Variants in TIAL1 observed in about 807,000 individuals in gnomAD.
TIAL1 encodes TIA1 cytotoxic granule associated RNA binding protein like 1.
TIAL1 carries 7 observed loss-of-function variants against 59.7 expected under a neutral mutation model. That is an observed-to-expected ratio of 0.12 (90% confidence interval 0.07 to 0.22). The LOEUF (loss-of-function observed/expected upper bound fraction) is 0.22, where lower values mean the gene tolerates loss of function less well. Among genes scored for constraint, TIAL1 ranks in the 10% least tolerant of loss-of-function variants. The pLI is 1.00. For missense variants in TIAL1, 225 were observed against 462.5 expected (o/e 0.49, Z 4.71); for synonymous variants, 149 against 146.3 (o/e 1.02, Z -0.13).
chr10:119,592,255 C>T (rs531903157), intron 1 of TIAL1: 10 of 152,210 alleles, frequency 6.6e-5, no homozygotes, highest in Admixed American at 3.9e-4. Context: ...AGAGGCATAC[C>T]TTAGAGTCTA....
chr10:119,579,891 T>G, intron 6 of TIAL1, 44 bp downstream of exon 6: 1 of 1,481,992 alleles, frequency 6.7e-7, no homozygotes, highest in South Asian at 1.3e-5. Flanking sequence ...AACTAATGAC[T>G]AAATTTAGTA....
chr10:119,596,514 G>C lies in TIAL1; in HGVS notation c.-49C>G. On this transcript the variant is annotated 5_prime_UTR_variant, in exon 1 of 12. Coordinates refer to ENST00000436547, the MANE Select transcript of TIAL1 (RefSeq NM_003252.4). ...GGGACAAGGGGGAGGGCAGGGTTGG[G>C]GAGGGGAGGGGGTGGGGAGGAAGGG... 1.1e-6 allele frequency: 1 copy of C among 884,422 alleles called. No individual in the cohort carries two copies. The highest frequency in any genetic ancestry group is 2.7e-5 in the East Asian group (1 of 37,316). 54.8% of individuals were successfully genotyped at this position (884,422 alleles called of 1,614,324 possible).
chr10:119,585,122 C>CAAAAAAAAAAAAAAAAAAAAAAAATAAAA (rs1845499612), intron 2 of TIAL1, among the ~76,000 whole-genome samples: 1 of 46,522 alleles, frequency 2.1e-5, no homozygotes, highest in Non-Finnish European at 4.1e-5. Flanking sequence ...GATTCCATCT[C>CAAAAAAAAAAAAAAAAAAAAAAAATAAAA]AAAAAAAAAA....
chr10:119,592,634 T>C (rs1004028271), intron 1 of TIAL1, among the ~76,000 whole-genome samples: 13 of 152,222 alleles, frequency 8.5e-5, no homozygotes, highest in African/African-American at 2.4e-4. Context: ...TTTGCAATAA[T>C]ATCCTTCAAT....
In TIAL1 at chr10:119,577,631, A is replaced by C. The variant is rs759997021; in HGVS notation, c.652+10T>G. On this transcript the variant is annotated intron_variant, in intron 8 of 11. Transcript: ENST00000436547. The stretch of plus-strand genomic sequence containing the variant: ...CTCCTCAGAGGTGATTAGAAAACCA[A>C]ACATTGTACCTGTTAACCCAGACGC... 1 of 1,613,520 alleles carries C rather than the reference A, an allele frequency of 6.2e-7. No individual in the cohort carries two copies. Among genetic ancestry groups the C allele is most frequent in the Non-Finnish European group, 8.5e-7 (1 of 1,179,438 alleles).
intron 11 of TIAL1, among the ~76,000 whole-genome samples, chr10:119,576,262 C>T (rs1013610188): frequency 6.8e-6 from 1 of 147,950 alleles, no homozygotes; most frequent in African/African-American, 2.5e-5. Flanking sequence ...ATTTCTCACA[C>T]ATACCACATA....
chr10:119,592,767 A>T (rs967298130), intron 1 of TIAL1, among the ~76,000 whole-genome samples: 47 of 149,680 alleles, frequency 3.1e-4, no homozygotes, highest in Non-Finnish European at 5.8e-4. Flanking sequence ...ATATTCTCAC[A>T]CACACACACA....
At chr10:119,595,896 G>A (rs1253541092) in intron 1 of TIAL1, among the ~76,000 whole-genome samples, 1 of 152,196 alleles carries the variant, frequency 6.6e-6, no homozygotes, top group East Asian at 1.9e-4. Context: ...GGCATAAAGA[G>A]AGAAGGGGCT....
At chr10:119,584,650 G>C (rs1275822211) in intron 2 of TIAL1, among the ~76,000 whole-genome samples, 1 of 152,020 alleles carries the variant, frequency 6.6e-6, no homozygotes, top group Admixed American at 6.6e-5. Context: ...AACATGGTGA[G>C]ACCCCCATCT....
At chr10:119,577,847 T>G in intron 7 of TIAL1, 111 bp from the exon 8 acceptor site, 1 of 915,794 alleles carries the variant, frequency 1.1e-6, no homozygotes. Flanking sequence ...CCCAGCACTT[T>G]GGGAGGCTGA....
rs1197873232 is a variant in TIAL1 at position 119,581,597 on chromosome 10, A to G, written c.371+325T>C. The G allele has an allele frequency of 2.0e-5, 4 of 202,718 alleles. No individual in the cohort carries two copies. The East Asian group carries it at 4.7e-4, about 24-fold the overall frequency. The allele number at this position is 202,718 out of a possible 1,614,324, so 12.6% of individuals were successfully genotyped here. ...ATTAACTCATTATCCTAAACCATCA[A>G]ATTTTGAAAACATATGACAAAAAGC... is the stretch of plus-strand genomic sequence containing the variant. On this transcript the variant is annotated intron_variant, in intron 5 of 11. Coordinates refer to ENST00000436547, the MANE Select transcript of TIAL1 (RefSeq NM_003252.4).
Position 119,582,411 on chromosome 10 carries a change from A to C in TIAL1, c.228+48T>G. 6.5e-7 allele frequency: 1 copy of C among 1,536,164 alleles called. No individual in the cohort carries two copies. The highest frequency in any genetic ancestry group is 8.7e-7 in the Non-Finnish European group (1 of 1,148,168). ...CCTAGAAAGAATACAAACTAGTTTG[A>C]CATGCAAATATATGTACTCATAAGG... On this transcript the variant is annotated intron_variant, in intron 3 of 11. Coordinates refer to ENST00000436547, the MANE Select transcript of TIAL1 (RefSeq NM_003252.4). The surrounding 1 kb of genome is among the most constrained non-coding windows in gnomAD (Gnocchi z 5.1).
chr10:119,589,407 T>C (rs1308682910), intron 1 of TIAL1, among the ~76,000 whole-genome samples: 7 of 152,198 alleles, frequency 4.6e-5, no homozygotes, highest in Non-Finnish European at 1.0e-4. Flanking sequence ...GGTTTCACCA[T>C]GTTGGCCTGG....
At chr10:119,593,185 T>C (rs1233099199) in intron 1 of TIAL1, among the ~76,000 whole-genome samples, 2 of 152,234 alleles carry the variant, frequency 1.3e-5, no homozygotes, top group Non-Finnish European at 2.9e-5. Context: ...CTGAAATGTG[T>C]GTCCCACAAG....
chr10:119,576,823 G>C (rs963746151), intron 10 of TIAL1, 73 bp from the exon 11 acceptor site: 34 of 1,568,994 alleles, frequency 2.2e-5, no homozygotes, highest in Non-Finnish European at 2.8e-5. Context: ...TGGGAGACAA[G>C]GAAGAGAAAA....
chr10:119,593,367 G>T (rs1845987971), intron 1 of TIAL1: 1 of 567,990 alleles, frequency 1.8e-6, no homozygotes, highest in Non-Finnish European at 2.2e-6. Context: ...AGAAATTTAG[G>T]CTCAACATCA....
chr10:119,581,807 A>G, intron 5 of TIAL1, 115 bp downstream of exon 5: 2 of 800,740 alleles, frequency 2.5e-6, no homozygotes, highest in Non-Finnish European at 3.9e-6. Flanking sequence ...AATGAAAAAT[A>G]AGAAACAAAA....
chr10:119,576,196 A>G (rs1481840119), intron 11 of TIAL1, among the ~76,000 whole-genome samples: 1 of 133,918 alleles, frequency 7.5e-6, no homozygotes, highest in Non-Finnish European at 1.6e-5. Flanking sequence ...CACTCTATCA[A>G]CAAAAGAAAA....
intron 1 of TIAL1, among the ~76,000 whole-genome samples, chr10:119,590,762 G>GAGAAAGAAAA (rs1845819228): frequency 8.0e-6 from 1 of 125,292 alleles, no homozygotes; most frequent in Non-Finnish European, 1.7e-5. Context: ...GAGAGAAAGA[G>GAGAAAGAAAA]AGAAAGAAAG....
Sources: gnomAD v4.1 joint callset for allele counts (sites outside exome capture counted in the v4.1 genomes callset) on GRCh38, gnomAD v4.1.1 for gene constraint, Gnocchi (gnomAD v3.1) non-coding constraint, MANE v1.5 for transcripts, NCBI Gene and HGNC (gene_info 2026-07-23, HGNC 2026-07-21) for gene names.